The following EFR3A variants were observed in gnomAD, a reference collection of about 807,000 sequenced individuals.
EFR3A encodes the protein protein EFR3 homolog A.
Under a neutral mutation model 104.4 loss-of-function variants are expected in EFR3A, and 76 were observed. The observed-to-expected ratio is 0.73, with a 90% confidence interval of 0.60 to 0.88. EFR3A has a LOEUF of 0.88. Ranked by LOEUF, EFR3A falls within the 40% of genes least tolerant of loss-of-function variation. The probability of loss-of-function intolerance (pLI) is 0.00; values close to 1 mark genes in which losing one functional copy is unlikely to be tolerated. For synonymous variants in EFR3A, 330 were observed against 330.0 expected (o/e 1.00, Z 0.00); for missense variants, 985 against 1,012.5 (o/e 0.97, Z 0.37).
At chr8:131,937,947 A>G (rs891731691) in intron 1 of EFR3A, among the ~76,000 whole-genome samples, 1 of 152,096 alleles carries the variant, frequency 6.6e-6, no homozygotes, top group Non-Finnish European at 1.5e-5. Flanking sequence ...TTGCTTTCTT[A>G]TTTAACCTGT....
intron 18 of EFR3A, among the ~76,000 whole-genome samples, chr8:131,990,575 G>A (rs1821125209): frequency 6.6e-6 from 1 of 152,206 alleles, no homozygotes; most frequent in Admixed American, 6.5e-5. Flanking sequence ...TTTGAACTCT[G>A]TTCTGAAGGC....
Position 131,907,915 on chromosome 8 carries a change from T to G in EFR3A, c.10+3593T>G, listed in dbSNP as rs527512477. ...AGCTGATGAATTTTCTTTTTTGCAG[T>G]GACCTTTGGCTTGACACTGCCCTGT... On this transcript the variant is annotated intron_variant, in intron 1 of 22. Transcript: ENST00000254624. Among the ~76,000 whole-genome samples the G allele has an allele frequency of 6.6e-5, 10 of 152,154 alleles. No individual in the cohort carries two copies. In the East Asian group the frequency reaches 1.7e-3, roughly 27 times the overall value.
At chr8:132,008,276 T>A (rs1210434401) in intron 22 of EFR3A, among the ~76,000 whole-genome samples, 4 of 152,054 alleles carry the variant, frequency 2.6e-5, no homozygotes, top group African/African-American at 9.7e-5. Flanking sequence ...AATGTTTGAA[T>A]CGCCAATAAG....
intron 8 of EFR3A, among the ~76,000 whole-genome samples, chr8:131,966,117 G>A (rs1487042509): frequency 9.9e-5 from 15 of 152,076 alleles, no homozygotes; most frequent in Non-Finnish European, 4.4e-5. Flanking sequence ...CGTAAATGAC[G>A]AGTTAATGGG....
intron 8 of EFR3A, among the ~76,000 whole-genome samples, chr8:131,965,890 G>T (rs2130680690): frequency 6.6e-6 from 1 of 152,164 alleles, no homozygotes; most frequent in Non-Finnish European, 1.5e-5. Context: ...CATAAAAAAT[G>T]ATGAGTTCAT....
chr8:131,905,399 TGATA>T (rs1458492611), intron 1 of EFR3A, among the ~76,000 whole-genome samples: 1 of 152,208 alleles, frequency 6.6e-6, no homozygotes, highest in Non-Finnish European at 1.5e-5. Context: ...TTATAAAGAT[TGATA>T]TTTTCCTGAT....
At chr8:131,990,402 G>A (rs1821111812) in intron 18 of EFR3A, among the ~76,000 whole-genome samples, 1 of 152,162 alleles carries the variant, frequency 6.6e-6, no homozygotes, top group Admixed American at 6.5e-5. Context: ...CCTCTAAGAT[G>A]AGCTTGAAAC....
At chr8:131,926,451 G>A (rs892450757) in intron 1 of EFR3A, among the ~76,000 whole-genome samples, 3 of 151,976 alleles carry the variant, frequency 2.0e-5, no homozygotes, top group African/African-American at 4.8e-5. Flanking sequence ...TTCTTATTTC[G>A]TGTGGTCAAA....
At position 131,946,637 on chromosome 8, in the gene EFR3A, A is replaced by G; in HGVS notation, c.366+4A>G. The G allele has an allele frequency of 6.3e-7, 1 of 1,583,750 alleles. No homozygotes were observed. Among genetic ancestry groups the G allele is most frequent in the Non-Finnish European group, 8.6e-7 (1 of 1,165,726 alleles). On this transcript the variant is annotated splice_donor_region_variant and intron_variant, in intron 4 of 22. Coordinates refer to ENST00000254624, the MANE Select transcript of EFR3A (RefSeq NM_015137.6). ...TCAAGTTCTTGGAACAAATTCTGTG[A>G]GTAAAACTATTCTGTTACTAAATGT...
intron 22 of EFR3A, among the ~76,000 whole-genome samples, chr8:132,010,429 T>C (rs1045754361): frequency 2.7e-5 from 3 of 112,434 alleles, no homozygotes; most frequent in East Asian, 2.6e-4. Flanking sequence ...TATATATATA[T>C]ATATATATAT....
intron 22 of EFR3A, among the ~76,000 whole-genome samples, chr8:132,010,449 T>TATATATATATATATATATA (rs1326843233): frequency 1.6e-5 from 2 of 128,400 alleles, no homozygotes; most frequent in African/African-American, 2.9e-5. Flanking sequence ...TATATATATA[T>TATATATATATATATATATA]AATGAAATAC....
chr8:131,944,757 A>G lies in EFR3A; in HGVS notation c.100A>G (p.Lys34Glu). ...TTATTGTTTTTAGGATGGCCTTGTGAAAACTGATATGGAGAAATTGACATT... is the reference window on the plus strand; with the variant it reads ...TTATTGTTTTTAGGATGGCCTTGTGGAAACTGATATGGAGAAATTGACATT... Reference protein sequence around the residue: ...FPEDPKDGLVKTDMEKLTFYA... With the variant: ...FPEDPKDGLVETDMEKLTFYA... The change falls in exon 3 of 23, where the codon AAA (lysine) becomes GAA (glutamate). Residue 34 changes from lysine to glutamate, a missense_variant. By Grantham distance (56) the Lys-to-Glu change is moderately conservative (BLOSUM62 1). Transcript: ENST00000254624. The G allele has an allele frequency of 6.3e-7, 1 of 1,595,604 alleles. No individual in the cohort carries two copies. The highest frequency in any genetic ancestry group is 8.5e-7 in the Non-Finnish European group (1 of 1,171,578).
intron 8 of EFR3A, among the ~76,000 whole-genome samples, chr8:131,963,069 T>A (rs7465452): frequency 0.38 from 56,734 of 150,808 alleles, 10,892 homozygotes; most frequent in East Asian, 0.61. Flanking sequence ...CATTTAAAGC[T>A]GTGTGTAGAG....
intron 11 of EFR3A, among the ~76,000 whole-genome samples, chr8:131,976,568 GTTT>G (rs1369778981): frequency 6.6e-6 from 1 of 152,200 alleles, no homozygotes. Flanking sequence ...ATATGCTGAA[GTTT>G]TTGTTTGTGA....
intron 1 of EFR3A, among the ~76,000 whole-genome samples, chr8:131,908,335 C>T (rs1190081048): frequency 6.6e-6 from 1 of 152,124 alleles, no homozygotes; most frequent in Non-Finnish European, 1.5e-5. Flanking sequence ...GCTGGGATTA[C>T]AGGTGTGAGC....
Position 131,978,851 on chromosome 8 carries a change from CCT to C in EFR3A, c.1334_1335del (p.Ser445TrpfsTer3). On this transcript the variant is annotated frameshift_variant, in exon 13 of 23. Transcript: ENST00000254624. LOFTEE classifies it high-confidence loss of function. ...TGTTTTCTTCTCGATAATCAGGTGA[CCT>C]CTGGATATAAAGCGAAGACGATTGT... The C allele has an allele frequency of 6.3e-7, 1 of 1,587,744 alleles. No homozygotes were observed. Among genetic ancestry groups the C allele is most frequent in the Non-Finnish European group, 8.6e-7 (1 of 1,168,544 alleles).
chr8:131,986,101 G>GT, intron 16 of EFR3A, 93 bp from the exon 17 acceptor site: 1 of 537,304 alleles, frequency 1.9e-6, no homozygotes, highest in Non-Finnish European at 3.2e-6. Context: ...AATGTTTAAA[G>GT]TTGTTTTTTT....
chr8:131,942,657 T>G (rs1468526821), intron 2 of EFR3A, among the ~76,000 whole-genome samples: 2 of 152,112 alleles, frequency 1.3e-5, no homozygotes, highest in Non-Finnish European at 2.9e-5. Flanking sequence ...AATGAAAAGA[T>G]AATCTGATAA....
At chr8:131,978,789 A>G (rs1448109649) in intron 12 of EFR3A, 58 bp from the exon 13 acceptor site, 1 of 1,295,868 alleles carries the variant, frequency 7.7e-7, no homozygotes, top group African/African-American at 1.5e-5. Flanking sequence ...AGAATATGAG[A>G]ATTTTACAAA....
Sources: allele counts gnomAD v4.1 joint callset (sites outside exome capture counted in the v4.1 genomes callset), GRCh38; gene constraint gnomAD v4.1.1; transcripts MANE v1.5; gene names NCBI Gene and HGNC (gene_info 2026-07-23, HGNC 2026-07-21).